DCC: variants seen among roughly 807,000 people sequenced by gnomAD.
The protein encoded by DCC is netrin receptor DCC.
DCC carries 58 observed loss-of-function variants against 172.5 expected under a neutral mutation model. The observed-to-expected ratio is 0.34, with a 90% confidence interval of 0.27 to 0.42. DCC has a LOEUF of 0.42. Ranked by LOEUF, DCC falls within the 10% of genes least tolerant of loss-of-function variation. The pLI is 1.00. For missense variants in DCC, 1,740 were observed against 1,791.0 expected (o/e 0.97, Z 0.51); for synonymous variants, 709 against 644.5 (o/e 1.10, Z -1.52).
chr18:52,720,542 G>A (rs561772093), intron 1 of DCC, among the ~76,000 whole-genome samples: 2 of 152,234 alleles, frequency 1.3e-5, no homozygotes, highest in South Asian at 2.1e-4. Flanking sequence ...CTGAACCCAC[G>A]GAGTACCCAG....
chr18:53,157,263 G>T, intron 7 of DCC, 93 bp from the exon 8 acceptor site: 2 of 1,461,212 alleles, frequency 1.4e-6, no homozygotes, highest in Non-Finnish European at 1.9e-6. Context: ...ACTATGACAT[G>T]GAGATGCTTG....
intron 1 of DCC, among the ~76,000 whole-genome samples, chr18:52,652,711 AGTGTGT>A (rs71175513): frequency 4.2e-5 from 6 of 143,344 alleles, no homozygotes; most frequent in Non-Finnish European, 6.0e-5. Flanking sequence ...ACTGCAATAA[AGTGTGT>A]GTGTGTGTGT....
chr18:53,092,738 T>A (rs1324551117), intron 7 of DCC, among the ~76,000 whole-genome samples: 1 of 152,176 alleles, frequency 6.6e-6, no homozygotes, highest in Non-Finnish European at 1.5e-5. Context: ...GTCATCAGTC[T>A]ACTTGTCCAT....
chr18:52,520,001 G>A (rs180882458), intron 1 of DCC, among the ~76,000 whole-genome samples: 5 of 152,286 alleles, frequency 3.3e-5, no homozygotes, highest in Admixed American at 2.6e-4. Context: ...TTAATGGCAA[G>A]TTATTTTCAA....
chr18:53,317,489 C>T (rs2144815296), intron 13 of DCC, among the ~76,000 whole-genome samples: 1 of 152,224 alleles, frequency 6.6e-6, no homozygotes. Flanking sequence ...ATGATGCTGG[C>T]CTCATAAAAT....
At chr18:53,442,942 C>A (rs1286423734) in intron 22 of DCC, among the ~76,000 whole-genome samples, 1 of 152,146 alleles carries the variant, frequency 6.6e-6, no homozygotes, top group Non-Finnish European at 1.5e-5. Flanking sequence ...TGAGAAGCTG[C>A]AGAAGAAGAA....
At chr18:52,482,082 C>T (rs1374343170) in intron 1 of DCC, among the ~76,000 whole-genome samples, 2 of 151,966 alleles carry the variant, frequency 1.3e-5, no homozygotes, top group Non-Finnish European at 2.9e-5. Flanking sequence ...ACTTTTGCCC[C>T]GCCATATCCA....
At chr18:52,687,651 A>G (rs2035863712) in intron 1 of DCC, among the ~76,000 whole-genome samples, 1 of 152,136 alleles carries the variant, frequency 6.6e-6, no homozygotes, top group African/African-American at 2.4e-5. Flanking sequence ...TACTCAGACT[A>G]TTTCTCAATA....
chr18:52,757,011 C>G (rs775720724), intron 2 of DCC: 1 of 152,118 alleles, frequency 6.6e-6, no homozygotes, highest in Non-Finnish European at 1.5e-5. Flanking sequence ...ATATTGTAAT[C>G]TTGGATCAGA....
chr18:53,150,476 T>G (rs1207256169), intron 7 of DCC, among the ~76,000 whole-genome samples: 1 of 152,196 alleles, frequency 6.6e-6, no homozygotes, highest in African/African-American at 2.4e-5. Context: ...GATAAACAGT[T>G]TAGACTTGGT....
At chr18:53,312,226 G>C (rs1468825693) in intron 13 of DCC, among the ~76,000 whole-genome samples, 1 of 148,324 alleles carries the variant, frequency 6.7e-6, no homozygotes, top group Non-Finnish European at 1.5e-5. Context: ...CTGTAGTCCC[G>C]GCTACTCAGG....
chr18:53,202,502 G>A (rs1278110321), intron 9 of DCC, among the ~76,000 whole-genome samples: 1 of 151,814 alleles, frequency 6.6e-6, no homozygotes, highest in African/African-American at 2.4e-5. Context: ...GCTGGAATAG[G>A]AAAAAAAATC....
chr18:52,387,999 C>T (rs1434669413), intron 1 of DCC, among the ~76,000 whole-genome samples: 2 of 152,030 alleles, frequency 1.3e-5, no homozygotes, highest in Admixed American at 6.6e-5. Context: ...CAGCATGGCA[C>T]ATGCATCCAT....
chr18:52,847,236 A>T (rs897433886), intron 2 of DCC, among the ~76,000 whole-genome samples: 2 of 152,182 alleles, frequency 1.3e-5, no homozygotes, highest in Non-Finnish European at 2.9e-5. Context: ...TCACACTTAT[A>T]TTTGAATTTA....
At chr18:52,966,389 G>A (rs1366674905) in intron 5 of DCC, among the ~76,000 whole-genome samples, 1 of 152,026 alleles carries the variant, frequency 6.6e-6, no homozygotes, top group East Asian at 1.9e-4. Flanking sequence ...ACACTTTTGA[G>A]AGCTAATACC....
At chr18:53,475,742 C>T (rs2045754556) in intron 25 of DCC, among the ~76,000 whole-genome samples, 1 of 152,214 alleles carries the variant, frequency 6.6e-6, no homozygotes, top group Non-Finnish European at 1.5e-5. Context: ...AGAGCCCCCA[C>T]ACAGAGTCCC....
intron 27 of DCC, among the ~76,000 whole-genome samples, chr18:53,512,488 A>C (rs1289336818): frequency 6.0e-5 from 9 of 149,814 alleles, no homozygotes; most frequent in African/African-American, 2.2e-4. Context: ...TGAGAGAAGA[A>C]GGCTTCAGAC....
chr18:53,366,365 A>AT (rs910518760), intron 15 of DCC, among the ~76,000 whole-genome samples: 28 of 151,966 alleles, frequency 1.8e-4, no homozygotes, highest in Middle Eastern at 6.3e-3. Context: ...TGTTAATATC[A>AT]TTTTTTTACC....
chr18:52,366,976 C>T (rs986001085), intron 1 of DCC, among the ~76,000 whole-genome samples: 15 of 152,338 alleles, frequency 9.8e-5, no homozygotes, highest in Admixed American at 7.2e-4. Flanking sequence ...TGGGGAGGCT[C>T]GGGCCGCACA....
Sources: allele counts gnomAD v4.1 joint callset (sites outside exome capture counted in the v4.1 genomes callset), GRCh38; gene constraint gnomAD v4.1.1; transcripts MANE v1.5; gene names NCBI Gene and HGNC (gene_info 2026-07-23, HGNC 2026-07-21).